KIF16B: variants seen among roughly 807,000 people sequenced by gnomAD.
The protein encoded by KIF16B is kinesin-like protein KIF16B.
A neutral mutation model predicts 156.3 loss-of-function variants in KIF16B; 98 were observed. The ratio of observed to expected loss-of-function variants is 0.63; its 90% CI spans 0.53 to 0.74. The LOEUF (loss-of-function observed/expected upper bound fraction) is 0.74, where lower values mean the gene tolerates loss of function less well. Ranked by LOEUF, KIF16B falls within the 30% of genes least tolerant of loss-of-function variation. The pLI is 0.00. For missense variants in KIF16B, 1,421 were observed against 1,606.5 expected (o/e 0.88, Z 1.97); for synonymous variants, 564 against 583.7 (o/e 0.97, Z 0.49).
intron 24 of KIF16B, among the ~76,000 whole-genome samples, chr20:16,334,669 G>A (rs967088579): frequency 5.9e-5 from 9 of 152,110 alleles, no homozygotes; most frequent in Non-Finnish European, 1.3e-4. Flanking sequence ...ACAGCTTGAT[G>A]GTATCCCATG....
intron 12 of KIF16B, among the ~76,000 whole-genome samples, chr20:16,468,755 A>G (rs904980537): frequency 2.1e-4 from 32 of 152,134 alleles, no homozygotes; most frequent in Admixed American, 2.0e-4. Context: ...AAGATTTCCA[A>G]CACTCCTCTA....
intron 17 of KIF16B, among the ~76,000 whole-genome samples, chr20:16,396,579 CAG>C (rs1464475636): frequency 6.7e-6 from 1 of 148,408 alleles, no homozygotes. Flanking sequence ...GAGGCAGAGA[CAG>C]AGAGATGGAC....
In KIF16B at chr20:16,277,459, T is replaced by TTATATATA. The variant is rs60624017; in HGVS notation, c.3796-4056_3796-4049dup. On this transcript the variant is annotated intron_variant, in intron 25 of 25. Transcript: ENST00000354981. ...TGAACTCTGCTATTTTATGTACATA[T>TTATATATA]TATATATATATATATATATAAAATA... Among the ~76,000 whole-genome samples the TTATATATA allele has an allele frequency of 8.3e-3, 1,189 of 143,880 alleles. 14 individuals carry two copies. Among genetic ancestry groups the TTATATATA allele is most frequent in the African/African-American group, 0.022 (896 of 39,894 alleles). The allele number at this position is 143,880 out of a possible 152,430, so 94.4% of individuals were successfully genotyped here.
At chr20:16,548,523 A>G (rs991857362) in intron 1 of KIF16B, among the ~76,000 whole-genome samples, 3 of 152,198 alleles carry the variant, frequency 2.0e-5, no homozygotes, top group Non-Finnish European at 4.4e-5. Context: ...GCAGCATTAC[A>G]TTCTCATAGG....
In KIF16B at chr20:16,378,206, C is replaced by A. The variant is rs2064998802; in HGVS notation, c.3197+599G>T. Reference sequence around the variant, plus strand: ...GCTGGTCATGGAGAAGATGTGAAATCATTAGTAAGAAAGGGCAGGGAAGTA... The same window carrying A: ...GCTGGTCATGGAGAAGATGTGAAATAATTAGTAAGAAAGGGCAGGGAAGTA... On this transcript the variant is annotated intron_variant, in intron 19 of 25. Transcript: ENST00000354981. 2.0e-5 allele frequency among the ~76,000 whole-genome samples: 3 copies of A among 151,520 alleles called. No individual in the cohort carries two copies. In the South Asian group the frequency reaches 6.2e-4, roughly 32 times the overall value.
chr20:16,418,787 T>C (rs1389693161), intron 15 of KIF16B, among the ~76,000 whole-genome samples: 1 of 152,158 alleles, frequency 6.6e-6, no homozygotes, highest in African/African-American at 2.4e-5. Flanking sequence ...TAAATATTCA[T>C]GACTTCTCCT....
chr20:16,552,557 C>A (rs930781523), intron 1 of KIF16B, among the ~76,000 whole-genome samples: 2 of 152,132 alleles, frequency 1.3e-5, no homozygotes, highest in East Asian at 1.9e-4. Context: ...CCCAACCCCC[C>A]ACCATGGGCT....
At chr20:16,428,782 A>C (rs540445583) in intron 14 of KIF16B, among the ~76,000 whole-genome samples, 171 bp downstream of exon 14, 1 of 152,256 alleles carries the variant, frequency 6.6e-6, no homozygotes, top group South Asian at 2.1e-4. Context: ...TGTATTCTAA[A>C]TTACAAAAAT....
chr20:16,502,600 A>G (rs748515274), intron 10 of KIF16B, among the ~76,000 whole-genome samples: 1 of 152,226 alleles, frequency 6.6e-6, no homozygotes, highest in Non-Finnish European at 1.5e-5. Context: ...AAGTCATAAA[A>G]GGAAAAGGAA....
chr20:16,526,786 C>T (rs2069559996), intron 2 of KIF16B, among the ~76,000 whole-genome samples: 1 of 152,170 alleles, frequency 6.6e-6, no homozygotes, highest in Admixed American at 6.5e-5. Flanking sequence ...CACCTCAGAA[C>T]CATGTTTTAA....
At chr20:16,478,868 C>T (rs1321343991) in intron 12 of KIF16B, among the ~76,000 whole-genome samples, 1 of 152,168 alleles carries the variant, frequency 6.6e-6, no homozygotes, top group Admixed American at 6.6e-5. Flanking sequence ...TTCAGGCATT[C>T]ACTAGGGGTC....
chr20:16,480,515 A>G (rs1369484656), intron 12 of KIF16B, among the ~76,000 whole-genome samples: 4 of 152,258 alleles, frequency 2.6e-5, no homozygotes, highest in Admixed American at 6.5e-5. Flanking sequence ...TAATGATAAA[A>G]TACTCAAGAT....
chr20:16,479,712 G>A (rs1239720974), intron 12 of KIF16B, among the ~76,000 whole-genome samples: 1 of 152,114 alleles, frequency 6.6e-6, no homozygotes, highest in South Asian at 2.1e-4. Context: ...TGCCTACAGT[G>A]TTCAATAGAG....
Position 16,379,205 on chromosome 20 carries a change from T to C in KIF16B, c.2797A>G (p.Arg933Gly). 1 of 1,614,210 alleles carries C rather than the reference T, an allele frequency of 6.2e-7. No homozygotes were observed. ...EKQRAFEILD[R>G]GPLSLDNTLY... is the part of the protein sequence containing the mutation. ...GTGTTGTCTAAGCTGAGAGGGCCTCTGTCAAGAATTTCAAATGCTCTCTGC... is the reference window on the plus strand; with the variant it reads ...GTGTTGTCTAAGCTGAGAGGGCCTCCGTCAAGAATTTCAAATGCTCTCTGC... Residue 933 changes from arginine to glycine, a missense_variant, in exon 19 of 26, where the codon AGA (arginine) becomes GGA (glycine). Physicochemically the swap from Arg to Gly is moderately radical, Grantham distance 125 (BLOSUM62 -2). Transcript: ENST00000354981.
At chr20:16,432,748 A>C (rs1379858686) in intron 12 of KIF16B, among the ~76,000 whole-genome samples, 3 of 152,178 alleles carry the variant, frequency 2.0e-5, no homozygotes, top group South Asian at 2.1e-4. Flanking sequence ...ACAACAACAA[A>C]AAAAGGATGG....
chr20:16,470,963 C>T (rs2067646850), intron 12 of KIF16B, among the ~76,000 whole-genome samples: 2 of 152,068 alleles, frequency 1.3e-5, no homozygotes, highest in Admixed American at 1.3e-4. Context: ...CCTCAATTCT[C>T]AGATCCACCA....
chr20:16,348,539 A>G (rs2064275661), intron 23 of KIF16B, among the ~76,000 whole-genome samples: 1 of 152,222 alleles, frequency 6.6e-6, no homozygotes, highest in African/African-American at 2.4e-5. Context: ...GCCTACAGAG[A>G]TCAGTCAAGA....
At chr20:16,290,283 C>G (rs951001638) in intron 25 of KIF16B, among the ~76,000 whole-genome samples, 1 of 152,208 alleles carries the variant, frequency 6.6e-6, no homozygotes, top group Non-Finnish European at 1.5e-5. Flanking sequence ...TTGATGGCAT[C>G]ACAAAGTCTC....
chr20:16,331,268 C>G (rs1185284032), intron 24 of KIF16B, among the ~76,000 whole-genome samples: 2 of 152,034 alleles, frequency 1.3e-5, no homozygotes, highest in East Asian at 3.9e-4. Flanking sequence ...AAAAAGATTA[C>G]CAAAAGAAAA....
Sources: allele counts gnomAD v4.1 joint callset (sites outside exome capture counted in the v4.1 genomes callset), GRCh38; gene constraint gnomAD v4.1.1; transcripts MANE v1.5; gene names NCBI Gene and HGNC (gene_info 2026-07-23, HGNC 2026-07-21).